Variants in RBFOX1 observed in about 807,000 individuals in gnomAD.
The protein encoded by RBFOX1 is RNA binding fox-1 homolog 1.
In RBFOX1, 8 loss-of-function variants were observed where a neutral mutation model predicts 57.7. The observed-to-expected ratio is 0.14, with a 90% CI of 0.08 to 0.25. The LOEUF (loss-of-function observed/expected upper bound fraction) is 0.25. Ranked by LOEUF, RBFOX1 falls within the 10% of genes least tolerant of loss-of-function variation. The pLI is 1.00. For missense variants in RBFOX1, 611 were observed against 548.5 expected (o/e 1.11, Z -1.14); for synonymous variants, 326 against 222.4 (o/e 1.47, Z -4.15).
At chr16:6,595,344 G>A (rs1418781203) in intron 2 of RBFOX1, among the ~76,000 whole-genome samples, 2 of 152,080 alleles carry the variant, frequency 1.3e-5, no homozygotes, top group African/African-American at 4.8e-5. Flanking sequence ...TCTTTACTAA[G>A]CATAATGTTT....
At chr16:5,625,521 T>C (rs2048323092) in intron 3 of RBFOX1, among the ~76,000 whole-genome samples, 1 of 145,910 alleles carries the variant, frequency 6.9e-6, no homozygotes, top group East Asian at 2.0e-4. Context: ...GGATTTACTC[T>C]TTTAATATTT....
chr16:6,758,811 T>C (rs2076186224), intron 3 of RBFOX1, among the ~76,000 whole-genome samples: 1 of 152,166 alleles, frequency 6.6e-6, no homozygotes, highest in African/African-American at 2.4e-5. Context: ...CTTAGAAATT[T>C]CTTAAAAAGA....
intron 4 of RBFOX1, among the ~76,000 whole-genome samples, chr16:7,096,972 G>T (rs2061809606): frequency 6.7e-6 from 1 of 149,166 alleles, no homozygotes; most frequent in Non-Finnish European, 1.5e-5. Context: ...ATAGGGAAGT[G>T]GTGGTTTCCC....
At chr16:6,507,975 A>C (rs1234730177) in intron 2 of RBFOX1, among the ~76,000 whole-genome samples, 1 of 152,182 alleles carries the variant, frequency 6.6e-6, no homozygotes, top group Non-Finnish European at 1.5e-5. Flanking sequence ...AATGCCCATC[A>C]ATGATAGACT....
chr16:6,237,207 G>A (rs1399974844), intron 1 of RBFOX1, among the ~76,000 whole-genome samples: 2 of 152,156 alleles, frequency 1.3e-5, no homozygotes, highest in Non-Finnish European at 2.9e-5. Flanking sequence ...ATTTCGTTAG[G>A]TATTTCGTCT....
intron 4 of RBFOX1, among the ~76,000 whole-genome samples, chr16:7,256,496 C>G (rs2094690236): frequency 6.6e-6 from 1 of 152,096 alleles, no homozygotes; most frequent in South Asian, 2.1e-4. Context: ...GACCTTTTTT[C>G]CCTTCCTAAT....
intron 4 of RBFOX1, among the ~76,000 whole-genome samples, chr16:7,151,812 G>A (rs115660802): frequency 0.012 from 1,900 of 152,108 alleles, 55 homozygotes; most frequent in African/African-American, 0.043. Context: ...ATTCTCATAA[G>A]CCACATGCAA....
intron 4 of RBFOX1, among the ~76,000 whole-genome samples, chr16:7,345,532 G>A (rs1321592729): frequency 1.3e-5 from 2 of 152,136 alleles, no homozygotes; most frequent in Non-Finnish European, 2.9e-5. Flanking sequence ...GACTTGGCAC[G>A]GCTTGCCAGA....
At chr16:5,435,632 A>C (rs1224300029) in intron 1 of RBFOX1, among the ~76,000 whole-genome samples, 1 of 152,138 alleles carries the variant, frequency 6.6e-6, no homozygotes, top group Non-Finnish European at 1.5e-5. Context: ...TTCTTGCGTC[A>C]CCATAGGTCC....
chr16:5,634,369 G>T (rs1246675921), intron 3 of RBFOX1, among the ~76,000 whole-genome samples: 1 of 152,046 alleles, frequency 6.6e-6, no homozygotes. Context: ...AAAAAGCAGT[G>T]GTCTCAAATG....
chr16:6,332,491 T>C (rs1448123494), intron 2 of RBFOX1, among the ~76,000 whole-genome samples: 1 of 152,212 alleles, frequency 6.6e-6, no homozygotes, highest in African/African-American at 2.4e-5. Context: ...GGAATAATGT[T>C]GAATATAGGA....
At chr16:6,149,992 A>C (rs766469757) in intron 1 of RBFOX1, among the ~76,000 whole-genome samples, 2 of 152,222 alleles carry the variant, frequency 1.3e-5, no homozygotes, top group African/African-American at 4.8e-5. Flanking sequence ...CAGACATTCA[A>C]AATCATAGCT....
chr16:6,008,580 C>G (rs2094941038), intron 4 of RBFOX1, among the ~76,000 whole-genome samples: 1 of 152,074 alleles, frequency 6.6e-6, no homozygotes, highest in Non-Finnish European at 1.5e-5. Flanking sequence ...GTTGAAGGAG[C>G]TGGAGTCATA....
At chr16:7,542,341 G>A (rs182180613) in intron 5 of RBFOX1, among the ~76,000 whole-genome samples, 55 of 152,210 alleles carry the variant, frequency 3.6e-4, no homozygotes, top group Admixed American at 2.1e-3. Flanking sequence ...GAAAGCATAC[G>A]CCAGACCCGT....
intron 4 of RBFOX1, among the ~76,000 whole-genome samples, chr16:7,155,233 A>T (rs368684398): frequency 6.6e-6 from 1 of 152,118 alleles, no homozygotes; most frequent in Admixed American, 6.6e-5. Flanking sequence ...ATTAATTTTG[A>T]GAGAGTGAAC....
intron 10 of RBFOX1, among the ~76,000 whole-genome samples, chr16:7,613,458 C>T (rs954290824): frequency 6.6e-6 from 1 of 152,090 alleles, no homozygotes. Flanking sequence ...CTGATTATAT[C>T]CATTTCAGAA....
chr16:7,149,114 G>C (rs1016648481), intron 4 of RBFOX1, among the ~76,000 whole-genome samples: 3 of 152,244 alleles, frequency 2.0e-5, no homozygotes, highest in African/African-American at 7.2e-5. Flanking sequence ...GAAAACCCAG[G>C]TTTCCAGACA....
intron 4 of RBFOX1, among the ~76,000 whole-genome samples, chr16:5,894,172 G>T (rs558444405): frequency 6.6e-6 from 1 of 152,022 alleles, no homozygotes; most frequent in African/African-American, 2.4e-5. Flanking sequence ...TATTTTCCCC[G>T]GTGTTCCCTT....
intron 3 of RBFOX1, among the ~76,000 whole-genome samples, chr16:6,708,128 A>G (rs2063091067): frequency 6.6e-6 from 1 of 152,124 alleles, no homozygotes; most frequent in Non-Finnish European, 1.5e-5. Context: ...CTACCCACAG[A>G]CACCTGGCTT....
Sources: allele counts gnomAD v4.1 joint callset (sites outside exome capture counted in the v4.1 genomes callset), GRCh38; gene constraint gnomAD v4.1.1; transcripts MANE v1.5; gene names NCBI Gene and HGNC (gene_info 2026-07-23, HGNC 2026-07-21).